UST: variants seen among roughly 807,000 people sequenced by gnomAD.
UST encodes the protein chondroitin sulfate 2-O-sulfotransferase.
A neutral mutation model predicts 45.6 loss-of-function variants in UST; 21 were observed. That is an observed-to-expected ratio of 0.46 (90% CI 0.33 to 0.66). The LOEUF (loss-of-function observed/expected upper bound fraction) is 0.66, where lower values mean the gene tolerates loss of function less well. Ranked by LOEUF, UST falls within the 30% of genes least tolerant of loss-of-function variation. The pLI is 0.02. For synonymous variants in UST, 215 were observed against 200.6 expected, an observed-to-expected ratio of 1.07 and a Z score of -0.61; for missense variants, 463 against 512.4, an observed-to-expected ratio of 0.90 and a Z score of 0.93.
intron 1 of UST, among the ~76,000 whole-genome samples, chr6:148,842,134 G>C (rs1012411564): frequency 1.3e-5 from 2 of 152,074 alleles, no homozygotes; most frequent in African/African-American, 2.4e-5. Context: ...AATCAAAAGG[G>C]CCTCCCAGAG....
At chr6:148,875,665 G>T (rs1456827604) in intron 1 of UST, among the ~76,000 whole-genome samples, 2 of 152,200 alleles carry the variant, frequency 1.3e-5, no homozygotes, top group East Asian at 3.9e-4. Flanking sequence ...TTAGCTGGAC[G>T]TGGTGGCACG....
chr6:148,994,826 C>T (rs1781420149), intron 5 of UST, among the ~76,000 whole-genome samples: 1 of 152,148 alleles, frequency 6.6e-6, no homozygotes, highest in Admixed American at 6.5e-5. Flanking sequence ...AAGATGAATC[C>T]TCAAGTCCTT....
intron 1 of UST, among the ~76,000 whole-genome samples, chr6:148,802,377 A>T (rs183890256): frequency 1.3e-5 from 2 of 152,384 alleles, no homozygotes; most frequent in Admixed American, 1.3e-4. Context: ...TTTTGAAATT[A>T]TCTTTTTGTC....
intron 1 of UST, among the ~76,000 whole-genome samples, chr6:148,885,760 C>T (rs1486293092): frequency 6.6e-6 from 1 of 152,170 alleles, no homozygotes; most frequent in Non-Finnish European, 1.5e-5. Flanking sequence ...TTCAACTGTC[C>T]CTGGCTTAAG....
intron 7 of UST, among the ~76,000 whole-genome samples, chr6:149,055,586 C>T (rs1464504670): frequency 6.6e-6 from 1 of 152,192 alleles, no homozygotes; most frequent in African/African-American, 2.4e-5. Context: ...GTGAACCAAT[C>T]CTAACGGAAC....
intron 1 of UST, among the ~76,000 whole-genome samples, chr6:148,763,965 CT>C (rs1242409818): frequency 6.6e-6 from 1 of 152,070 alleles, no homozygotes; most frequent in Non-Finnish European, 1.5e-5. Context: ...CTTAGGATTG[CT>C]TTGACTATTC....
intron 1 of UST, among the ~76,000 whole-genome samples, chr6:148,813,408 G>T (rs951110422): frequency 6.7e-6 from 1 of 149,954 alleles, no homozygotes; most frequent in Non-Finnish European, 1.5e-5. Flanking sequence ...TTGAGACAGA[G>T]TCTTGCTCTG....
intron 7 of UST, among the ~76,000 whole-genome samples, chr6:149,042,348 G>C (rs1156965400): frequency 6.6e-6 from 1 of 152,148 alleles, no homozygotes; most frequent in Non-Finnish European, 1.5e-5. Flanking sequence ...TGAACTGTTG[G>C]CCATTTAAGC....
intron 5 of UST, among the ~76,000 whole-genome samples, chr6:148,977,751 C>CA (rs60475773): frequency 0.012 from 1,032 of 88,162 alleles, 10 homozygotes; most frequent in African/African-American, 0.021. Flanking sequence ...GAATCTGTCT[C>CA]AAAAAAAAAA....
At chr6:149,071,777 T>C (rs1776821622) in intron 7 of UST, among the ~76,000 whole-genome samples, 1 of 151,664 alleles carries the variant, frequency 6.6e-6, no homozygotes, top group African/African-American at 2.4e-5. Context: ...AACTCAACAA[T>C]AAAAACAAAC....
At chr6:149,071,459 G>A (rs1776817463) in intron 7 of UST, among the ~76,000 whole-genome samples, 2 of 152,186 alleles carry the variant, frequency 1.3e-5, no homozygotes, top group African/African-American at 2.4e-5. Flanking sequence ...CCTTGGATTT[G>A]GCAATGGCTT....
chr6:148,944,683 AC>A (rs973368640), intron 3 of UST, among the ~76,000 whole-genome samples: 5 of 152,318 alleles, frequency 3.3e-5, no homozygotes, highest in African/African-American at 1.2e-4. Context: ...AAATAGAAAT[AC>A]CTTTGAAGTT....
At chr6:148,754,492 T>C (rs947016317) in intron 1 of UST, among the ~76,000 whole-genome samples, 4 of 152,166 alleles carry the variant, frequency 2.6e-5, no homozygotes, top group African/African-American at 7.2e-5. Context: ...CCAAAGTCCA[T>C]TGTGTCATTC....
intron 2 of UST, among the ~76,000 whole-genome samples, chr6:148,896,622 C>T (rs138543703): frequency 0.011 from 1,706 of 152,210 alleles, 26 homozygotes; most frequent in African/African-American, 0.039. Context: ...TCTTTATTTT[C>T]AACTTTTCAA....
chr6:148,833,254 A>G (rs900236511), intron 1 of UST, among the ~76,000 whole-genome samples: 1 of 152,210 alleles, frequency 6.6e-6, no homozygotes, highest in Non-Finnish European at 1.5e-5. Flanking sequence ...TTGTGAGGCC[A>G]GGGCGGACGG....
chr6:148,894,592 A>C lies in UST; in HGVS notation c.291+7563A>C, dbSNP rs373218540. Among the ~76,000 whole-genome samples, 25 of 152,240 alleles carry C rather than the reference A, an allele frequency of 1.6e-4. No homozygotes were observed. The South Asian group carries it at 4.8e-3, about 29-fold the overall frequency. Reference sequence around the variant, plus strand: ...CCAGCCCTATAGACACCTTGATTTCAGATTTCTGACCTCCTGAACTGTGAC... The same window carrying C: ...CCAGCCCTATAGACACCTTGATTTCCGATTTCTGACCTCCTGAACTGTGAC... On this transcript the variant is annotated intron_variant, in intron 2 of 7. Coordinates refer to ENST00000367463, the MANE Select transcript of UST (RefSeq NM_005715.3).
intron 1 of UST, among the ~76,000 whole-genome samples, chr6:148,828,159 C>T (rs928314913): frequency 6.6e-6 from 1 of 152,010 alleles, no homozygotes; most frequent in Non-Finnish European, 1.5e-5. Flanking sequence ...GGATATATGA[C>T]GTCTGTCAAA....
Position 148,748,125 on chromosome 6 carries a change from G to C in UST, c.247+448G>C, listed in dbSNP as rs941676702. Among the ~76,000 whole-genome samples the C allele has an allele frequency of 1.3e-5, 2 of 152,180 alleles. No homozygotes were observed. Among genetic ancestry groups the C allele is most frequent in the Non-Finnish European group, 2.9e-5 (2 of 68,034 alleles). On this transcript the variant is annotated intron_variant, in intron 1 of 7. Coordinates refer to ENST00000367463, the MANE Select transcript of UST (RefSeq NM_005715.3). The surrounding 1 kb of genome is among the most constrained non-coding windows in gnomAD (Gnocchi z 5.3). The stretch of plus-strand genomic sequence containing the variant: ...GTCCCGCGCCCCGGGGAGTGTGGGT[G>C]GGTTTAGCCCTTTGCCACCGTCCGC...
intron 7 of UST, among the ~76,000 whole-genome samples, chr6:149,059,662 G>T (rs577110311): frequency 1.3e-5 from 2 of 152,068 alleles, no homozygotes; most frequent in African/African-American, 4.8e-5. Context: ...GAGCTTAGTC[G>T]GTGCTCAGTA....
Sources: gnomAD v4.1 joint callset for allele counts (sites outside exome capture counted in the v4.1 genomes callset) on GRCh38, gnomAD v4.1.1 for gene constraint, Gnocchi (gnomAD v3.1) non-coding constraint, MANE v1.5 for transcripts, NCBI Gene and HGNC (gene_info 2026-07-23, HGNC 2026-07-21) for gene names.